The following KCNQ5 variants were observed in gnomAD, a reference collection of about 807,000 sequenced individuals.
KCNQ5 encodes the protein potassium voltage-gated channel subfamily KQT member 5.
KCNQ5 carries 30 observed loss-of-function variants against 98.2 expected under a neutral mutation model. The ratio of observed to expected loss-of-function variants is 0.31; its 90% CI spans 0.23 to 0.41. The LOEUF (loss-of-function observed/expected upper bound fraction) is 0.41. Among genes scored for constraint, KCNQ5 ranks in the 10% least tolerant of loss-of-function variants. The probability of loss-of-function intolerance (pLI) is 1.00; values close to 1 mark genes in which losing one functional copy is unlikely to be tolerated. For synonymous variants in KCNQ5, 458 were observed against 449.4 expected, an observed-to-expected ratio of 1.02 and a Z score of -0.24; for missense variants, 835 against 1,182.5, an observed-to-expected ratio of 0.71 and a Z score of 4.31.
rs141835382 is a variant in KCNQ5 at position 72,938,895 on chromosome 6, T to C, written c.399-65013T>C. On this transcript the variant is annotated intron_variant, in intron 1 of 13. Coordinates refer to ENST00000370398, the MANE Select transcript of KCNQ5 (RefSeq NM_019842.4). ...AGTTATACATAATTGAAACTTCAAG[T>C]GATTTAAGTATTTTAAAAGAAACGT... 1.2e-3 allele frequency among the ~76,000 whole-genome samples: 183 copies of C among 152,314 alleles called. 1 individual carries two copies. The highest frequency in any genetic ancestry group is 4.2e-3 in the African/African-American group (176 of 41,566).
intron 1 of KCNQ5, among the ~76,000 whole-genome samples, chr6:72,803,746 A>T (rs1774794563): frequency 6.6e-6 from 1 of 152,184 alleles, no homozygotes. Context: ...TTGACTAAAT[A>T]CTTAATATCA....
chr6:72,966,586 AAGAG>A (rs1156720688), intron 1 of KCNQ5, among the ~76,000 whole-genome samples: 1 of 151,958 alleles, frequency 6.6e-6, no homozygotes, highest in Non-Finnish European at 1.5e-5. Context: ...AAGAAAGAAA[AAGAG>A]AGAGAGAAAA....
chr6:72,647,508 AAGAG>A (rs1006946324), intron 1 of KCNQ5, among the ~76,000 whole-genome samples: 1 of 152,202 alleles, frequency 6.6e-6, no homozygotes, highest in Non-Finnish European at 1.5e-5. Context: ...GAGAGAAAGA[AAGAG>A]AGAGGCAGAG....
At chr6:72,800,250 A>G (rs973445224) in intron 1 of KCNQ5, among the ~76,000 whole-genome samples, 34 of 152,300 alleles carry the variant, frequency 2.2e-4, no homozygotes, top group Non-Finnish European at 4.1e-4. Flanking sequence ...CTGTGAATCC[A>G]TCTGGTCCTA....
chr6:72,633,368 G>A (rs920153652), intron 1 of KCNQ5, among the ~76,000 whole-genome samples: 2 of 152,190 alleles, frequency 1.3e-5, no homozygotes, highest in Admixed American at 1.3e-4. Context: ...CTCCCATTTT[G>A]TAAGTTGTCT....
At chr6:73,168,703 CT>C (rs56137323) in intron 10 of KCNQ5, among the ~76,000 whole-genome samples, 1 of 150,982 alleles carries the variant, frequency 6.6e-6, no homozygotes, top group Non-Finnish European at 1.5e-5. Flanking sequence ...CAAAACAAGA[CT>C]TTTTCTCAAA....
At chr6:73,181,899 A>G (rs1200685265) in intron 11 of KCNQ5, among the ~76,000 whole-genome samples, 1 of 152,250 alleles carries the variant, frequency 6.6e-6, no homozygotes, top group Non-Finnish European at 1.5e-5. Context: ...TCATAGGATT[A>G]TACTATAAAG....
At chr6:72,939,010 A>T (rs1459657110) in intron 1 of KCNQ5, among the ~76,000 whole-genome samples, 1 of 152,130 alleles carries the variant, frequency 6.6e-6, no homozygotes, top group Admixed American at 6.6e-5. Flanking sequence ...AACTTGCAAA[A>T]ACTCATTAAC....
chr6:73,194,618 G>T lies in KCNQ5; in HGVS notation c.2003G>T (p.Gly668Val). Residue 668 changes from glycine to valine, a missense_variant, in exon 14 of 14, where the codon GGT (glycine) becomes GTT (valine). This residue lies in a region of KCNQ5 where 416 missense variants were observed against 446.9 expected (regional missense o/e 0.93). Coordinates refer to ENST00000370398, the MANE Select transcript of KCNQ5 (RefSeq NM_019842.4). ...CCTGTGGATAGCAAAGATCTTTCGG[G>T]TTCCGCACAAAACAGTGGCTGCTTA... The part of the protein sequence containing the change: ...QSPVDSKDLS[G>V]SAQNSGCLSR... 1 of 1,614,182 alleles carries T rather than the reference G, an allele frequency of 6.2e-7. No individual in the cohort carries two copies. The highest frequency in any genetic ancestry group is 8.5e-7 in the Non-Finnish European group (1 of 1,180,028).
In KCNQ5 at chr6:72,691,716, G is replaced by A. The variant is rs536552184; in HGVS notation, c.398+69129G>A. 5.3e-5 allele frequency among the ~76,000 whole-genome samples: 8 copies of A among 152,266 alleles called. No homozygotes were observed. The South Asian group carries it at 1.5e-3, about 28-fold the overall frequency. On this transcript the variant is annotated intron_variant, in intron 1 of 13. Transcript: ENST00000370398. ...TTGGACAGATGTCCTTATCTCCTGG[G>A]CACTCTGCATTTCCACCTTTCATAG...
At chr6:73,071,358 T>C (rs181502291) in intron 3 of KCNQ5, among the ~76,000 whole-genome samples, 160 of 152,298 alleles carry the variant, frequency 1.1e-3, no homozygotes, top group African/African-American at 3.2e-3. Flanking sequence ...TAGCCTTAAA[T>C]TCCTTATCCT....
chr6:73,079,853 T>C (rs1414050907), intron 5 of KCNQ5, among the ~76,000 whole-genome samples: 1 of 152,208 alleles, frequency 6.6e-6, no homozygotes, highest in African/African-American at 2.4e-5. Flanking sequence ...AACAGGAGGC[T>C]TTTCTTGCCA....
At chr6:73,047,769 A>G (rs1266890715) in intron 3 of KCNQ5, among the ~76,000 whole-genome samples, 2 of 152,326 alleles carry the variant, frequency 1.3e-5, no homozygotes, top group East Asian at 3.9e-4. Flanking sequence ...AAAGCGACTA[A>G]AACACGGTCC....
At chr6:73,166,074 C>T (rs182609518) in intron 10 of KCNQ5, among the ~76,000 whole-genome samples, 93 of 152,210 alleles carry the variant, frequency 6.1e-4, no homozygotes, top group African/African-American at 2.2e-3. Context: ...CTCCAGGTGT[C>T]GCTCGGCAAG....
intron 10 of KCNQ5, among the ~76,000 whole-genome samples, chr6:73,159,879 C>G (rs1264498986): frequency 6.6e-6 from 1 of 152,134 alleles, no homozygotes; most frequent in Non-Finnish European, 1.5e-5. Context: ...GCACCATGTT[C>G]TGTCTTCATG....
At chr6:72,882,091 A>T (rs9986437) in intron 1 of KCNQ5, among the ~76,000 whole-genome samples, 43,117 of 152,148 alleles carry the variant, frequency 0.28, 6,591 homozygotes, top group East Asian at 0.54. Context: ...AAAAAAATAA[A>T]AGGATGGAAA....
At chr6:73,055,725 G>A (rs756966346) in intron 3 of KCNQ5, 33 of 1,095,266 alleles carry the variant, frequency 3.0e-5, no homozygotes, top group South Asian at 4.9e-5. Flanking sequence ...CTGCCAACTG[G>A]CATTCTCATT....
intron 1 of KCNQ5, among the ~76,000 whole-genome samples, chr6:72,779,791 C>T (rs922877338): frequency 1.3e-5 from 2 of 151,038 alleles, no homozygotes; most frequent in African/African-American, 4.9e-5. Flanking sequence ...ACCACAGGCA[C>T]GAGTCACCAT....
intron 1 of KCNQ5, among the ~76,000 whole-genome samples, chr6:72,689,219 A>G (rs999152117): frequency 2.6e-5 from 4 of 152,210 alleles, no homozygotes; most frequent in African/African-American, 9.6e-5. Context: ...GGTGCTTTCA[A>G]GCGTCAATGG....
Sources: gnomAD v4.1 joint callset for allele counts (sites outside exome capture counted in the v4.1 genomes callset) on GRCh38, gnomAD v4.1.1 for gene constraint, gnomAD v4.1.1 regional missense constraint, MANE v1.5 for transcripts, NCBI Gene and HGNC (gene_info 2026-07-23, HGNC 2026-07-21) for gene names.